The following PHACTR1 variants were observed in gnomAD, a reference collection of about 807,000 sequenced individuals.
PHACTR1 encodes phosphatase and actin regulator 1.
A neutral mutation model predicts 69.2 loss-of-function variants in PHACTR1; 16 were observed. The ratio of observed to expected loss-of-function variants is 0.23; its 90% CI spans 0.16 to 0.35. The LOEUF (loss-of-function observed/expected upper bound fraction) is 0.35, where lower values mean the gene tolerates loss of function less well. Ranked by LOEUF, PHACTR1 falls within the 10% of genes least tolerant of loss-of-function variation. PHACTR1 has a pLI of 1.00. For missense variants in PHACTR1, 510 were observed against 734.7 expected (o/e 0.69, Z 3.54); for synonymous variants, 312 against 284.5 (o/e 1.10, Z -0.97).
chr6:13,072,363 A>G (rs140294831), intron 5 of PHACTR1, among the ~76,000 whole-genome samples: 64 of 152,052 alleles, frequency 4.2e-4, no homozygotes, highest in Middle Eastern at 3.4e-3. Context: ...GATTCTGACT[A>G]GAAGAAAACT....
At chr6:12,872,106 TGATTGCTACTG>T (rs1269886710) in intron 4 of PHACTR1, among the ~76,000 whole-genome samples, 2 of 152,212 alleles carry the variant, frequency 1.3e-5, no homozygotes, top group African/African-American at 2.4e-5. Flanking sequence ...CTAAGGGTTC[TGATTGCTACTG>T]GATTTCCATT....
intron 4 of PHACTR1, among the ~76,000 whole-genome samples, chr6:12,772,300 T>C (rs1769489533): frequency 6.6e-6 from 1 of 152,206 alleles, no homozygotes; most frequent in African/African-American, 2.4e-5. Flanking sequence ...TATTGATTTT[T>C]GTCACAGAAT....
At chr6:13,022,947 G>T (rs1283757868) in intron 4 of PHACTR1, among the ~76,000 whole-genome samples, 1 of 152,012 alleles carries the variant, frequency 6.6e-6, no homozygotes, top group Admixed American at 6.6e-5. Flanking sequence ...AGCCCAGGAG[G>T]CAAAAGTTGC....
chr6:12,821,789 T>G (rs149940244), intron 4 of PHACTR1, among the ~76,000 whole-genome samples: 2 of 152,326 alleles, frequency 1.3e-5, no homozygotes, highest in East Asian at 3.9e-4. Flanking sequence ...TAGATATTAT[T>G]GGCACATTGG....
intron 4 of PHACTR1, among the ~76,000 whole-genome samples, chr6:12,871,942 CAT>C (rs1403288249): frequency 1.5e-5 from 2 of 133,426 alleles, no homozygotes; most frequent in Admixed American, 8.0e-5. Context: ...AAAGAGAGGA[CAT>C]GTGATGGATT....
chr6:12,872,100 G>A (rs1013396938), intron 4 of PHACTR1, among the ~76,000 whole-genome samples: 2 of 151,974 alleles, frequency 1.3e-5, no homozygotes, highest in African/African-American at 4.8e-5. Context: ...TAGATGCTAA[G>A]GGTTCTGATT....
intron 4 of PHACTR1, among the ~76,000 whole-genome samples, chr6:12,790,055 T>A (rs1048497141): frequency 2.0e-5 from 3 of 152,130 alleles, no homozygotes; most frequent in African/African-American, 7.2e-5. Flanking sequence ...AACCTCTGAA[T>A]AAGTCCCTGT....
intron 4 of PHACTR1, among the ~76,000 whole-genome samples, chr6:12,887,530 C>A (rs1199392992): frequency 6.6e-6 from 1 of 152,168 alleles, no homozygotes; most frequent in East Asian, 1.9e-4. Context: ...TGGAACATCA[C>A]CTTCTCAGTC....
At chr6:12,787,931 C>T (rs962394073) in intron 4 of PHACTR1, among the ~76,000 whole-genome samples, 2 of 152,098 alleles carry the variant, frequency 1.3e-5, no homozygotes, top group Non-Finnish European at 1.5e-5. Context: ...ATGAGGCTGG[C>T]GGATCACCTG....
At chr6:12,919,282 A>G (rs1787374947) in intron 4 of PHACTR1, among the ~76,000 whole-genome samples, 3 of 152,104 alleles carry the variant, frequency 2.0e-5, no homozygotes, top group South Asian at 2.1e-4. Context: ...AGCTGGGACT[A>G]CAGGCACGCA....
intron 5 of PHACTR1, among the ~76,000 whole-genome samples, chr6:13,098,734 T>A (rs140082646): frequency 3.2e-4 from 48 of 152,334 alleles, no homozygotes; most frequent in African/African-American, 1.0e-3. Flanking sequence ...TCACATCCAG[T>A]CAGTCTCTAA....
At chr6:12,727,224 G>A (rs904681888) in intron 3 of PHACTR1, among the ~76,000 whole-genome samples, 1 of 152,146 alleles carries the variant, frequency 6.6e-6, no homozygotes, top group African/African-American at 2.4e-5. Flanking sequence ...AACATGATGG[G>A]TGAAAAAGAC....
At chr6:13,015,389 A>AG in intron 4 of PHACTR1, among the ~76,000 whole-genome samples, 1 of 152,336 alleles carries the variant, frequency 6.6e-6, no homozygotes, top group Non-Finnish European at 1.5e-5. Context: ...TATTAGGTGT[A>AG]GGGGGGATAT....
chr6:13,026,934 TA>T (rs933221738), intron 4 of PHACTR1, among the ~76,000 whole-genome samples: 5 of 151,846 alleles, frequency 3.3e-5, no homozygotes, highest in African/African-American at 9.7e-5. Flanking sequence ...AAATAAAAAA[TA>T]AAAAAAATAA....
At position 13,228,045 on chromosome 6, in the gene PHACTR1, G is replaced by A. The variant is rs562927111; in HGVS notation, c.1216G>A (p.Asp406Asn). Reference sequence around the variant, plus strand: ...GGAAGAGGAGGAGGACGAAGACGACGACAGCTCATTATACACCAGTGCGTT... The same window carrying A: ...GGAAGAGGAGGAGGACGAAGACGACAACAGCTCATTATACACCAGTGCGTT... ...EEEEEEDEDD[D>N]SSLYTSSLAM... is the part of the protein sequence containing the mutation. Residue 406 changes from aspartate (D) to asparagine (N), a missense_variant, in exon 9 of 15, where the codon GAC becomes AAC. Asp to Asn is a conservative substitution (Grantham distance 23). This residue lies in a region of PHACTR1 where 419 missense variants were observed against 530.9 expected (regional missense o/e 0.79). Transcript: ENST00000332995. 24 of 1,612,742 alleles carry A rather than the reference G, an allele frequency of 1.5e-5. 1 individual carries two copies. The South Asian group carries it at 1.8e-4, about 12-fold the overall frequency.
intron 4 of PHACTR1, among the ~76,000 whole-genome samples, chr6:12,972,208 A>G (rs1562075216): frequency 6.6e-6 from 1 of 152,208 alleles, no homozygotes; most frequent in Non-Finnish European, 1.5e-5. Flanking sequence ...AGGCACGCAG[A>G]CCAGACGGGA....
chr6:13,053,609 T>G, intron 5 of PHACTR1, 80 bp downstream of exon 5: 7 of 1,456,014 alleles, frequency 4.8e-6, no homozygotes, highest in Non-Finnish European at 6.5e-6. Flanking sequence ...TTAATTGCAA[T>G]AGGCTGTTTG....
intron 4 of PHACTR1, among the ~76,000 whole-genome samples, chr6:12,972,851 G>T (rs375671877): frequency 1.3e-5 from 2 of 151,934 alleles, no homozygotes; most frequent in African/African-American, 4.8e-5. Context: ...GGGTTTCACC[G>T]TATTGATCAG....
intron 4 of PHACTR1, among the ~76,000 whole-genome samples, chr6:12,769,982 G>A (rs962136546): frequency 1.3e-4 from 20 of 152,172 alleles, no homozygotes; most frequent in African/African-American, 4.8e-4. Context: ...AACTCAGGAG[G>A]CACATAAAAG....
Sources: allele counts gnomAD v4.1 joint callset (sites outside exome capture counted in the v4.1 genomes callset), GRCh38; gene constraint gnomAD v4.1.1; regional missense constraint gnomAD v4.1.1; transcripts MANE v1.5; gene names NCBI Gene and HGNC (gene_info 2026-07-23, HGNC 2026-07-21).